POLQ: variants seen among roughly 807,000 people sequenced by gnomAD.
The protein encoded by POLQ is epididymis secretory sperm binding protein.
In POLQ, 233 loss-of-function variants were observed where a neutral mutation model predicts 259.2. The observed-to-expected ratio is 0.90, with a 90% CI of 0.81 to 1.00. The LOEUF (loss-of-function observed/expected upper bound fraction) is 1.00, where lower values mean the gene tolerates loss of function less well. POLQ is among the 50% of genes least tolerant of loss of function. POLQ has a pLI of 0.00. For missense variants in POLQ, 2,871 were observed against 3,051.6 expected (o/e 0.94, Z 1.39); for synonymous variants, 1,025 against 1,048.8 (o/e 0.98, Z 0.44).
Position 121,483,423 on chromosome 3 carries a change from C to A in POLQ, c.5933G>T (p.Cys1978Phe), listed in dbSNP as rs771234247. ...IQSYKILLLSCGISLEQSYED... is the reference protein window; with the variant it reads ...IQSYKILLLSFGISLEQSYED... ...ATAACTTTGCTCCAAGGAGATGCCA[C>A]AAGAAAGAAGAAGAATTTTATAGCT... The change falls in exon 18 of 30, where the codon TGT (cysteine) becomes TTT (phenylalanine). Residue 1978 changes from cysteine to phenylalanine, a missense_variant. Cys to Phe is a radical substitution (Grantham distance 205, BLOSUM62 -2). This residue lies in a region of POLQ where 2,080 missense variants were observed against 2,126.0 expected (regional missense o/e 0.98). Coordinates refer to ENST00000264233, the MANE Select transcript of POLQ (RefSeq NM_199420.4). The A allele has an allele frequency of 2.3e-5, 36 of 1,585,500 alleles. No individual in the cohort carries two copies. In the South Asian group the frequency reaches 3.9e-4, roughly 17 times the overall value.
chr3:121,514,083 C>T (rs2108809790), intron 9 of POLQ, among the ~76,000 whole-genome samples: 1 of 139,202 alleles, frequency 7.2e-6, no homozygotes, highest in East Asian at 2.2e-4. Context: ...AATTCCAGCA[C>T]TGTGGGAGGC....
Position 121,533,114 on chromosome 3 carries a change from T to G in POLQ, c.836A>C (p.Asn279Thr). ...PNLELVASWL[N>T]AELYHTDFRP... ...AAAGTCGGTATGGTAGAGTTCAGCA[T>G]TCAACCAGGAAGCCACAAGCTCCAA... is the stretch of plus-strand genomic sequence containing the variant. The change falls in exon 6 of 30, where the codon AAT becomes ACT. Residue 279 changes from asparagine (N) to threonine (T), a missense_variant. Physicochemically the swap from Asn to Thr is moderately conservative, Grantham distance 65. Transcript: ENST00000264233. 1 of 1,613,964 alleles carries G rather than the reference T, an allele frequency of 6.2e-7. No individual in the cohort carries two copies. Among genetic ancestry groups the G allele is most frequent in the Non-Finnish European group, 8.5e-7 (1 of 1,179,846 alleles).
intron 7 of POLQ, 117 bp from the exon 8 acceptor site, chr3:121,522,266 A>G (rs1203467018): frequency 2.4e-5 from 8 of 331,582 alleles, no homozygotes; most frequent in Non-Finnish European, 4.3e-5. Context: ...GCTGCATACT[A>G]TATAATCCCC....
chr3:121,541,967 T>C (rs549712214), intron 2 of POLQ, among the ~76,000 whole-genome samples: 1 of 149,958 alleles, frequency 6.7e-6, no homozygotes, highest in African/African-American at 2.5e-5. Flanking sequence ...TCTATTACTA[T>C]AAAAATAACA....
chr3:121,452,056 G>A (rs77825899), intron 25 of POLQ, among the ~76,000 whole-genome samples: 1 of 152,196 alleles, frequency 6.6e-6, no homozygotes, highest in Non-Finnish European at 1.5e-5. Context: ...AGCAATGAGC[G>A]AGGCTCCATG....
chr3:121,545,079 G>T (rs920540346), intron 1 of POLQ, among the ~76,000 whole-genome samples, 173 bp from the exon 2 acceptor site: 1 of 152,082 alleles, frequency 6.6e-6, no homozygotes, highest in Non-Finnish European at 1.5e-5. Context: ...GTAATAAATT[G>T]TTATTTACTG....
chr3:121,463,790 AGAAT>A (rs2047812992), intron 24 of POLQ, among the ~76,000 whole-genome samples: 1 of 152,158 alleles, frequency 6.6e-6, no homozygotes, highest in Non-Finnish European at 1.5e-5. Flanking sequence ...TTTAAACAGG[AGAAT>A]GATGTTTCCC....
intron 22 of POLQ, among the ~76,000 whole-genome samples, chr3:121,470,045 C>T (rs2047870830): frequency 6.6e-6 from 1 of 152,164 alleles, no homozygotes; most frequent in Non-Finnish European, 1.5e-5. Context: ...TGGCTAATGC[C>T]TGTAATCCCA....
chr3:121,526,324 T>C (rs1245418897), intron 7 of POLQ, among the ~76,000 whole-genome samples: 2 of 152,230 alleles, frequency 1.3e-5, no homozygotes, highest in African/African-American at 2.4e-5. Flanking sequence ...ACCAAAAGAC[T>C]GGCAACCAGT....
chr3:121,512,125 G>C, intron 9 of POLQ, 96 bp from the exon 10 acceptor site: 1 of 999,094 alleles, frequency 1.0e-6, no homozygotes, highest in East Asian at 2.5e-5. Context: ...CTTAAAAGCA[G>C]ACAAGAGATG....
chr3:121,459,920 A>C, intron 25 of POLQ, 130 bp downstream of exon 25: 1 of 700,874 alleles, frequency 1.4e-6, no homozygotes. Context: ...ATAAGCTCAG[A>C]TGAACTGTGC....
In POLQ at chr3:121,533,042, T is replaced by C. The variant is rs751796007; in HGVS notation, c.908A>G (p.Tyr303Cys). ...CCTCACAAGTTTCATTGAAGAGTCATATATGGAATTTCCAACTTTTACTGA... is the reference window on the plus strand; with the variant it reads ...CCTCACAAGTTTCATTGAAGAGTCACATATGGAATTTCCAACTTTTACTGA... ...LESVKVGNSI[Y>C]DSSMKLVREF... The change falls in exon 6 of 30, where the codon TAT becomes TGT. Residue 303 changes from tyrosine to cysteine, a missense_variant. Tyr to Cys is a radical substitution (Grantham distance 194). This residue lies in a region of POLQ where 783 missense variants were observed against 906.2 expected (regional missense o/e 0.86). Transcript: ENST00000264233. The C allele has an allele frequency of 1.9e-6, 3 of 1,613,940 alleles. No individual in the cohort carries two copies. Among genetic ancestry groups the C allele is most frequent in the East Asian group, 2.2e-5 (1 of 44,878 alleles).
chr3:121,482,871 T>A (rs972688952), intron 18 of POLQ, among the ~76,000 whole-genome samples: 1 of 152,208 alleles, frequency 6.6e-6, no homozygotes, highest in Non-Finnish European at 1.5e-5. Flanking sequence ...ACATGTTTCT[T>A]AACTGAGTCA....
intron 6 of POLQ, among the ~76,000 whole-genome samples, chr3:121,532,151 A>G (rs2048415719): frequency 6.6e-6 from 1 of 152,236 alleles, no homozygotes. Context: ...TATTCAAGAT[A>G]GGGATTATAA....
chr3:121,463,584 T>C (rs1209131188), intron 24 of POLQ, among the ~76,000 whole-genome samples: 1 of 152,172 alleles, frequency 6.6e-6, no homozygotes, highest in African/African-American at 2.4e-5. Context: ...ATATTCTGAA[T>C]AGGCTTTGTC....
chr3:121,531,064 G>C (rs1576428091), intron 6 of POLQ, among the ~76,000 whole-genome samples: 1 of 152,136 alleles, frequency 6.6e-6, no homozygotes, highest in Non-Finnish European at 1.5e-5. Flanking sequence ...GCGCATGTCT[G>C]TAATCCCAGC....
chr3:121,529,893 T>C, intron 6 of POLQ, 101 bp from the exon 7 acceptor site: 1 of 785,024 alleles, frequency 1.3e-6, no homozygotes, highest in African/African-American at 1.8e-5. Flanking sequence ...CTTTTTCTTC[T>C]TTAAGGCATA....
At chr3:121,481,489 G>T in intron 19 of POLQ, 83 bp downstream of exon 19, 1 of 1,231,966 alleles carries the variant, frequency 8.1e-7, no homozygotes, top group Non-Finnish European at 1.1e-6. Flanking sequence ...GCATAAATGT[G>T]TAATTTACCC....
chr3:121,485,595 A>G (rs954463157), intron 16 of POLQ, among the ~76,000 whole-genome samples: 33 of 152,232 alleles, frequency 2.2e-4, no homozygotes, highest in Admixed American at 2.6e-4. Flanking sequence ...TCTAGAGTCA[A>G]TGTTTTATTC....
Sources: gnomAD v4.1 joint callset for allele counts (sites outside exome capture counted in the v4.1 genomes callset) on GRCh38, gnomAD v4.1.1 for gene constraint, gnomAD v4.1.1 regional missense constraint, MANE v1.5 for transcripts, NCBI Gene and HGNC (gene_info 2026-07-23, HGNC 2026-07-21) for gene names.